RAPGEF2: variants seen among roughly 807,000 people sequenced by gnomAD.
RAPGEF2 encodes the protein Rap guanine nucleotide exchange factor 2.
RAPGEF2 carries 54 observed loss-of-function variants against 186.7 expected under a neutral mutation model. The ratio of observed to expected loss-of-function variants is 0.29; its 90% CI spans 0.23 to 0.36. The LOEUF (loss-of-function observed/expected upper bound fraction) is 0.36, where lower values mean the gene tolerates loss of function less well. Ranked by LOEUF, RAPGEF2 falls within the 10% of genes least tolerant of loss-of-function variation. The probability of loss-of-function intolerance (pLI) is 1.00; values close to 1 mark genes in which losing one functional copy is unlikely to be tolerated. For synonymous variants in RAPGEF2, 712 were observed against 705.9 expected, an observed-to-expected ratio of 1.01 and a Z score of -0.14; for missense variants, 1,532 against 2,045.0, an observed-to-expected ratio of 0.75 and a Z score of 4.84.
At chr4:159,286,030 A>AAACACCACCACC in intron 7 of RAPGEF2, among the ~76,000 whole-genome samples, 1 of 89,234 alleles carries the variant, frequency 1.1e-5, no homozygotes, top group Non-Finnish European at 2.4e-5. Context: ...TGTTCCCCCC[A>AAACACCACCACC]ACCACCACCA....
chr4:159,179,267 G>A (rs1328953400), intron 1 of RAPGEF2, among the ~76,000 whole-genome samples: 1 of 152,096 alleles, frequency 6.6e-6, no homozygotes, highest in African/African-American at 2.4e-5. Flanking sequence ...CTTGGGAAGT[G>A]CAGTTGGGAA....
In RAPGEF2 at chr4:159,358,243, C is replaced by G; in HGVS notation, c.*104C>G. 1 of 1,191,870 alleles carries G rather than the reference C, an allele frequency of 8.4e-7. No homozygotes were observed. The allele number at this position is 1,191,870 out of a possible 1,614,324, so 73.8% of individuals were successfully genotyped here. A position where few individuals can be genotyped will look rare whatever the true frequency, so the allele number is the denominator to read the frequency against. ...AACTCACATTCTGAGGACGGTGGACCAGTTTGCCTCCTTCCCTGCCTTAAA... is the reference window on the plus strand; with the variant it reads ...AACTCACATTCTGAGGACGGTGGACGAGTTTGCCTCCTTCCCTGCCTTAAA... On this transcript the variant is annotated 3_prime_UTR_variant, in exon 30 of 30. Transcript: ENST00000691494.
chr4:159,104,540 G>GAC (rs1169452031), intron 1 of RAPGEF2, among the ~76,000 whole-genome samples: 36 of 128,264 alleles, frequency 2.8e-4, no homozygotes, highest in Non-Finnish European at 3.9e-4. Flanking sequence ...GAGACAGAGA[G>GAC]AGAGAGAGAG....
rs149350559 is a variant in RAPGEF2 at position 159,294,849 on chromosome 4, C to T, written c.544-9493C>T. ...AGTAGCTGGGAGGTGCATGCCACCACGCCTGGCTAATTTTTATATTTTTAG... is the reference window on the plus strand; with the variant it reads ...AGTAGCTGGGAGGTGCATGCCACCATGCCTGGCTAATTTTTATATTTTTAG... On this transcript the variant is annotated intron_variant, in intron 7 of 29. Transcript: ENST00000691494. 2.7e-3 allele frequency among the ~76,000 whole-genome samples: 409 copies of T among 152,232 alleles called. 1 individual carries two copies. The highest frequency in any genetic ancestry group is 9.5e-3 in the African/African-American group (395 of 41,542).
chr4:159,342,323 G>A (rs536795048), intron 20 of RAPGEF2, among the ~76,000 whole-genome samples: 5 of 151,988 alleles, frequency 3.3e-5, no homozygotes, highest in African/African-American at 1.2e-4. Flanking sequence ...CAAGATTAAT[G>A]ATGTAATGTG....
Position 159,319,133 on chromosome 4 carries a change from GTC to G in RAPGEF2, c.854-3213_854-3212del, listed in dbSNP as rs536593374. ...AAGTCTGTATGATACCTATGGCATT[GTC>G]AGAGTTTTGAGCCCCCTGTAGCAGG... is the stretch of plus-strand genomic sequence containing the variant. On this transcript the variant is annotated intron_variant, in intron 9 of 29. Transcript: ENST00000691494. 4.1e-3 allele frequency among the ~76,000 whole-genome samples: 617 copies of G among 152,104 alleles called. 5 individuals carry two copies. The highest frequency in any genetic ancestry group is 0.014 in the African/African-American group (600 of 41,488).
At chr4:159,349,494 GCTGGCT>G (rs3840264) in intron 25 of RAPGEF2, among the ~76,000 whole-genome samples, 52,761 of 151,642 alleles carry the variant, frequency 0.35, 10,414 homozygotes, top group Non-Finnish European at 0.46. Flanking sequence ...TGCACGTGGT[GCTGGCT>G]CACTTCCTTC....
chr4:159,200,122 C>T (rs1749248476), intron 3 of RAPGEF2, among the ~76,000 whole-genome samples: 1 of 151,932 alleles, frequency 6.6e-6, no homozygotes. Flanking sequence ...TGAATAGCTT[C>T]ATAACTCCCA....
intron 7 of RAPGEF2, among the ~76,000 whole-genome samples, chr4:159,302,550 C>T (rs555445438): frequency 3.3e-5 from 5 of 151,652 alleles, no homozygotes; most frequent in African/African-American, 7.3e-5. Context: ...ATCTATCCTG[C>T]CTATTATTTA....
intron 1 of RAPGEF2, among the ~76,000 whole-genome samples, chr4:159,179,571 A>C (rs1426610595): frequency 1.3e-5 from 2 of 152,168 alleles, no homozygotes; most frequent in Non-Finnish European, 2.9e-5. Flanking sequence ...ACTTCTCAGC[A>C]CCCCATTCTT....
intron 25 of RAPGEF2, among the ~76,000 whole-genome samples, chr4:159,348,737 C>G (rs932492544): frequency 6.6e-6 from 1 of 152,172 alleles, no homozygotes. Context: ...GTATAAAGCT[C>G]TATCCCCCAT....
chr4:159,255,280 A>G (rs1440225531), intron 7 of RAPGEF2, among the ~76,000 whole-genome samples: 1 of 150,936 alleles, frequency 6.6e-6, no homozygotes, highest in Non-Finnish European at 1.5e-5. Context: ...CATTTTTAAA[A>G]CTTCTTTCTT....
At position 159,358,981 on chromosome 4, in the gene RAPGEF2, C is replaced by A. The variant is rs1207990343; in HGVS notation, c.*842C>A. The stretch of plus-strand genomic sequence containing the variant: ...GGGTTCTTCTGTAAAACTGTTTGCA[C>A]ATGGCCAGGGGAGGGAACTAGGACC... On this transcript the variant is annotated 3_prime_UTR_variant, in exon 30 of 30. Transcript: ENST00000691494. 1 of 152,264 alleles carries A rather than the reference C, an allele frequency of 6.6e-6. No homozygotes were observed. Among genetic ancestry groups the A allele is most frequent in the Non-Finnish European group, 1.5e-5 (1 of 68,092 alleles). 9.4% of individuals were successfully genotyped at this position (152,264 alleles called of 1,614,324 possible).
rs1180655900 is a variant in RAPGEF2 at position 159,359,109 on chromosome 4, T to C, written c.*970T>C. 6.6e-6 allele frequency: 1 copy of C among 151,958 alleles called. No homozygotes were observed. Among genetic ancestry groups the C allele is most frequent in the African/African-American group, 2.4e-5 (1 of 41,332 alleles). The allele number at this position is 151,958 out of a possible 1,614,324, so 9.4% of individuals were successfully genotyped here. On this transcript the variant is annotated 3_prime_UTR_variant, in exon 30 of 30. Coordinates refer to ENST00000691494, the MANE Select transcript of RAPGEF2 (RefSeq NM_001394067.2). Reference sequence around the variant, plus strand: ...AAACCCCATTTTTAAGTTATATTTCTTTGATTTTTGTTAATTTAGAGGTGT... The same window carrying C: ...AAACCCCATTTTTAAGTTATATTTCCTTGATTTTTGTTAATTTAGAGGTGT...
chr4:159,260,105 C>G (rs1355273372), intron 7 of RAPGEF2, among the ~76,000 whole-genome samples: 2 of 151,986 alleles, frequency 1.3e-5, no homozygotes, highest in Admixed American at 6.6e-5. Flanking sequence ...TCAAGTGATT[C>G]ACCTCACAAG....
At chr4:159,351,269 A>G (rs1731137378) in intron 26 of RAPGEF2, 2 of 1,377,554 alleles carry the variant, frequency 1.5e-6, no homozygotes, top group Non-Finnish European at 1.9e-6. Flanking sequence ...CCAAATGTCA[A>G]GTGCTCCATC....
At chr4:159,295,720 AGTGTGTGTGT>A (rs71589223) in intron 7 of RAPGEF2, among the ~76,000 whole-genome samples, 1,520 of 134,588 alleles carry the variant, frequency 0.011, 15 homozygotes, top group Middle Eastern at 0.029. Flanking sequence ...AGAGTGTGTG[AGTGTGTGTGT>A]GTGTGTGTGT....
At chr4:159,275,080 TG>T (rs1224058524) in intron 7 of RAPGEF2, among the ~76,000 whole-genome samples, 7 of 151,834 alleles carry the variant, frequency 4.6e-5, no homozygotes, top group African/African-American at 7.3e-5. Flanking sequence ...TGTGTGTGTG[TG>T]TGTGTGTGTG....
chr4:159,107,842 T>G (rs1005647265), intron 1 of RAPGEF2, among the ~76,000 whole-genome samples: 2 of 152,242 alleles, frequency 1.3e-5, no homozygotes, highest in African/African-American at 4.8e-5. Context: ...GAATTGTGTC[T>G]GTTATAGTTA....
Sources: gnomAD v4.1 joint callset for allele counts (sites outside exome capture counted in the v4.1 genomes callset) on GRCh38, gnomAD v4.1.1 for gene constraint, MANE v1.5 for transcripts, NCBI Gene and HGNC (gene_info 2026-07-23, HGNC 2026-07-21) for gene names.